The following CHCHD6 variants were observed in gnomAD, a reference collection of about 807,000 sequenced individuals.
The protein encoded by CHCHD6 is coiled-coil-helix-coiled-coil-helix domain containing 6.
CHCHD6 carries 28 observed loss-of-function variants against 32.3 expected under a neutral mutation model. That is an observed-to-expected ratio of 0.87 (90% CI 0.64 to 1.19). The LOEUF (loss-of-function observed/expected upper bound fraction) is 1.19, where lower values mean the gene tolerates loss of function less well. CHCHD6 is among the 50% of genes most tolerant of loss of function. CHCHD6 has a pLI of 0.00. For synonymous variants in CHCHD6, 122 were observed against 117.5 expected (o/e 1.04, Z -0.25); for missense variants, 333 against 307.0 (o/e 1.08, Z -0.63).
At chr3:126,924,001 G>A (rs1301258911) in intron 6 of CHCHD6, among the ~76,000 whole-genome samples, 3 of 152,206 alleles carry the variant, frequency 2.0e-5, no homozygotes, top group Non-Finnish European at 4.4e-5. Flanking sequence ...TGCATCAGCA[G>A]CCATGGGCAC....
At chr3:126,811,253 G>C (rs1939642352) in intron 4 of CHCHD6, among the ~76,000 whole-genome samples, 1 of 152,182 alleles carries the variant, frequency 6.6e-6, no homozygotes, top group South Asian at 2.1e-4. Flanking sequence ...AACTAGCCTT[G>C]TATGTCAGTA....
intron 5 of CHCHD6, among the ~76,000 whole-genome samples, chr3:126,875,193 T>C (rs573846920): frequency 1.3e-5 from 2 of 152,200 alleles, no homozygotes; most frequent in Non-Finnish European, 2.9e-5. Context: ...TGATTCTTCC[T>C]CATCACAACA....
At chr3:126,957,596 T>C (rs889606482) in intron 7 of CHCHD6, 45 bp downstream of exon 7, 2 of 1,545,684 alleles carry the variant, frequency 1.3e-6, no homozygotes, top group Non-Finnish European at 1.7e-6. Flanking sequence ...CCTTGGGAGG[T>C]AGGCGAGGTA....
At chr3:126,847,010 G>T (rs1451819872) in intron 4 of CHCHD6, among the ~76,000 whole-genome samples, 2 of 152,068 alleles carry the variant, frequency 1.3e-5, no homozygotes, top group African/African-American at 4.8e-5. Flanking sequence ...AGTCGTTAGG[G>T]TTTTTTTCCT....
chr3:126,705,244 C>T (rs1050415529), intron 1 of CHCHD6, among the ~76,000 whole-genome samples: 3 of 152,224 alleles, frequency 2.0e-5, no homozygotes, highest in East Asian at 3.8e-4. Context: ...TCATAGCACT[C>T]ATCACAGTGA....
At chr3:126,791,924 C>A (rs1459666992) in intron 4 of CHCHD6, among the ~76,000 whole-genome samples, 2 of 152,170 alleles carry the variant, frequency 1.3e-5, no homozygotes, top group African/African-American at 4.8e-5. Flanking sequence ...CTTTCTGTTT[C>A]TGTCAGTTTG....
At chr3:126,948,409 C>T (rs1164821113) in intron 6 of CHCHD6, among the ~76,000 whole-genome samples, 3 of 152,210 alleles carry the variant, frequency 2.0e-5, no homozygotes, top group Non-Finnish European at 2.9e-5. Context: ...GCTCTACTGT[C>T]AGCCTCGGTC....
rs561887046 is a variant in CHCHD6, at chr3:126,880,525, T to C, written c.495+27795T>C. Among the ~76,000 whole-genome samples, 51 of 152,246 alleles carry C rather than the reference T, an allele frequency of 3.3e-4. 1 individual carries two copies. The South Asian group carries it at 0.01, about 30-fold the overall frequency. On this transcript the variant is annotated intron_variant, in intron 5 of 7. Coordinates refer to ENST00000290913, the MANE Select transcript of CHCHD6 (RefSeq NM_032343.3). ...AAGCACCTTACTCTGCCTTTCACCA[T>C]ATTGAATCACTAAGTTTTTAAATAT...
intron 4 of CHCHD6, among the ~76,000 whole-genome samples, chr3:126,819,893 G>A (rs150807671): frequency 0.018 from 2,751 of 152,296 alleles, 30 homozygotes; most frequent in Middle Eastern, 0.051. Flanking sequence ...GGAAATTTTC[G>A]GAAAAACTGA....
intron 4 of CHCHD6, among the ~76,000 whole-genome samples, chr3:126,758,285 T>C (rs1937036990): frequency 6.6e-6 from 1 of 152,272 alleles, no homozygotes; most frequent in Non-Finnish European, 1.5e-5. Flanking sequence ...GTCTGCTATT[T>C]TTAGCTCTTC....
intron 4 of CHCHD6, among the ~76,000 whole-genome samples, chr3:126,788,542 G>C (rs1316348926): frequency 6.6e-6 from 1 of 152,092 alleles, no homozygotes; most frequent in Non-Finnish European, 1.5e-5. Flanking sequence ...CTTCTTCCTG[G>C]TTTAGTCTTG....
chr3:126,711,933 TG>T (rs775323689), intron 1 of CHCHD6, among the ~76,000 whole-genome samples: 4 of 152,260 alleles, frequency 2.6e-5, no homozygotes, highest in Non-Finnish European at 5.9e-5. Flanking sequence ...TGCTTTCACA[TG>T]TGTTATTCTG....
intron 4 of CHCHD6, among the ~76,000 whole-genome samples, chr3:126,752,790 C>G (rs1936781606): frequency 1.3e-5 from 2 of 152,280 alleles, no homozygotes; most frequent in South Asian, 4.1e-4. Flanking sequence ...TCCTCCTCAT[C>G]CAGAAAGTTA....
At chr3:126,900,487 T>A (rs960965052) in intron 5 of CHCHD6, among the ~76,000 whole-genome samples, 1 of 152,178 alleles carries the variant, frequency 6.6e-6, no homozygotes, top group South Asian at 2.1e-4. Flanking sequence ...TGCTAGCATC[T>A]GTTTCTGGGA....
intron 5 of CHCHD6, among the ~76,000 whole-genome samples, chr3:126,863,624 C>A (rs1942066952): frequency 1.5e-5 from 2 of 135,208 alleles, no homozygotes; most frequent in Non-Finnish European, 3.1e-5. Context: ...TCCACCATCA[C>A]CACCTCACCC....
chr3:126,863,527 A>G (rs1942055327), intron 5 of CHCHD6, among the ~76,000 whole-genome samples: 1 of 131,634 alleles, frequency 7.6e-6, no homozygotes, highest in Non-Finnish European at 1.6e-5. Flanking sequence ...CTCCACCATC[A>G]CCACCTCCTC....
intron 4 of CHCHD6, among the ~76,000 whole-genome samples, chr3:126,817,256 C>T (rs1939947646): frequency 6.6e-6 from 1 of 151,814 alleles, no homozygotes; most frequent in Non-Finnish European, 1.5e-5. Context: ...CCAGCAGATC[C>T]TTGTAGAAAG....
rs532958090 is a variant in CHCHD6, at chr3:126,940,669, A to G, written c.567-16747A>G. 3.3e-5 allele frequency among the ~76,000 whole-genome samples: 5 copies of G among 152,322 alleles called. No individual in the cohort carries two copies. The East Asian group carries it at 9.6e-4, about 29-fold the overall frequency. On this transcript the variant is annotated intron_variant, in intron 6 of 7. Transcript: ENST00000290913. ...AGAAAAATGTACCAATTTTCACTCC[A>G]AAAACGCTAGAGAGTGTTCCATTTT...
chr3:126,834,064 A>AAT (rs1340650275), intron 4 of CHCHD6, among the ~76,000 whole-genome samples: 8 of 143,872 alleles, frequency 5.6e-5, no homozygotes, highest in East Asian at 4.9e-4. Context: ...AAAAAAAAAA[A>AAT]AAAAAAAAAA....
Sources: allele counts gnomAD v4.1 joint callset (sites outside exome capture counted in the v4.1 genomes callset), GRCh38; gene constraint gnomAD v4.1.1; transcripts MANE v1.5; gene names NCBI Gene and HGNC (gene_info 2026-07-23, HGNC 2026-07-21).